Variants in CNTNAP2 observed in about 807,000 individuals in gnomAD.
The protein encoded by CNTNAP2 is contactin associated protein 2, also known as contactin-associated protein-like 2.
A neutral mutation model predicts 155.2 loss-of-function variants in CNTNAP2; 98 were observed. The observed-to-expected ratio is 0.63, with a 90% confidence interval of 0.54 to 0.75. The LOEUF is 0.75. Among genes scored for constraint, CNTNAP2 ranks in the 30% least tolerant of loss-of-function variants. The pLI is 0.00. For missense variants in CNTNAP2, 1,727 were observed against 1,688.1 expected (o/e 1.02, Z -0.40); for synonymous variants, 651 against 631.2 (o/e 1.03, Z -0.47).
chr7:146,591,414 T>TGCAGTAGG (rs3077298), intron 1 of CNTNAP2, among the ~76,000 whole-genome samples: 1 of 151,736 alleles, frequency 6.6e-6, no homozygotes, highest in African/African-American at 2.4e-5. Flanking sequence ...TGTGGAATAA[T>TGCAGTAGG]AATTGAGAAA....
At chr7:147,726,792 C>A (rs1056612974) in intron 13 of CNTNAP2, among the ~76,000 whole-genome samples, 1 of 151,910 alleles carries the variant, frequency 6.6e-6, no homozygotes, top group Admixed American at 6.6e-5. Flanking sequence ...TTAGAAATAA[C>A]TTCAACAGTT....
At chr7:148,369,010 T>C (rs1612680) in intron 21 of CNTNAP2, among the ~76,000 whole-genome samples, 47,883 of 151,872 alleles carry the variant, frequency 0.32, 8,152 homozygotes, top group Non-Finnish European at 0.39. Context: ...CCTTTTCTGA[T>C]TATAGAACAA....
intron 1 of CNTNAP2, among the ~76,000 whole-genome samples, chr7:146,250,453 A>T (rs879433291): frequency 3.7e-4 from 56 of 152,182 alleles, no homozygotes; most frequent in South Asian, 6.2e-4. Context: ...AGAGCAAGGC[A>T]GACTTGTTAC....
chr7:147,923,436 G>C (rs1455244534), intron 14 of CNTNAP2, among the ~76,000 whole-genome samples: 1 of 152,106 alleles, frequency 6.6e-6, no homozygotes, highest in African/African-American at 2.4e-5. Flanking sequence ...AGCATGCCCA[G>C]GGTTGCCTGC....
intron 8 of CNTNAP2, among the ~76,000 whole-genome samples, chr7:147,291,690 GTTTAAC>G (rs1281603775): frequency 6.6e-6 from 1 of 152,056 alleles, no homozygotes; most frequent in Non-Finnish European, 1.5e-5. Flanking sequence ...ATTAATATAT[GTTTAAC>G]TTTATTAAAA....
intron 1 of CNTNAP2, among the ~76,000 whole-genome samples, chr7:146,745,294 A>G (rs1282884341): frequency 6.6e-6 from 1 of 152,170 alleles, no homozygotes; most frequent in African/African-American, 2.4e-5. Context: ...CTAGAGCTTT[A>G]AATTTATTAT....
At chr7:147,784,326 A>G (rs896676388) in intron 13 of CNTNAP2, among the ~76,000 whole-genome samples, 2 of 147,754 alleles carry the variant, frequency 1.4e-5, no homozygotes, top group Admixed American at 6.8e-5. Flanking sequence ...AACCAAACAA[A>G]AAAGAACATT....
At chr7:148,153,588 C>T (rs540827768) in intron 17 of CNTNAP2, among the ~76,000 whole-genome samples, 2 of 152,190 alleles carry the variant, frequency 1.3e-5, no homozygotes, top group South Asian at 2.1e-4. Context: ...CTGGGCTGTC[C>T]GTGGGCCAGA....
chr7:148,331,218 G>T (rs1044897314), intron 21 of CNTNAP2, among the ~76,000 whole-genome samples: 3 of 143,844 alleles, frequency 2.1e-5, no homozygotes, highest in Non-Finnish European at 4.5e-5. Context: ...GGATGGAATG[G>T]ATGGATGGAG....
chr7:147,399,622 AG>A (rs1230624243), intron 10 of CNTNAP2, among the ~76,000 whole-genome samples: 10 of 152,208 alleles, frequency 6.6e-5, no homozygotes, highest in African/African-American at 2.4e-4. Flanking sequence ...CTAAAGAAAA[AG>A]TCAGAAATTC....
intron 1 of CNTNAP2, among the ~76,000 whole-genome samples, chr7:146,357,402 AATCATAT>A (rs1259435628): frequency 6.6e-6 from 1 of 152,254 alleles, no homozygotes; most frequent in Admixed American, 6.5e-5. Context: ...TGTAATCATG[AATCATAT>A]AATCTATCAG....
At chr7:147,780,940 G>T (rs915187145) in intron 13 of CNTNAP2, among the ~76,000 whole-genome samples, 1 of 152,164 alleles carries the variant, frequency 6.6e-6, no homozygotes, top group Non-Finnish European at 1.5e-5. Flanking sequence ...CTACTTCCAA[G>T]TGAGGAGACA....
chr7:147,987,430 C>T (rs1801638289), intron 15 of CNTNAP2, among the ~76,000 whole-genome samples: 1 of 152,132 alleles, frequency 6.6e-6, no homozygotes, highest in Non-Finnish European at 1.5e-5. Context: ...TCTTACCTGT[C>T]CTTTCAAATA....
At chr7:147,111,563 T>C (rs1161677186) in intron 5 of CNTNAP2, among the ~76,000 whole-genome samples, 3 of 152,140 alleles carry the variant, frequency 2.0e-5, no homozygotes, top group African/African-American at 7.2e-5. Flanking sequence ...AAGGAAGGGG[T>C]CCAGTTTCAA....
chr7:146,419,704 A>G (rs1055957901), intron 1 of CNTNAP2, among the ~76,000 whole-genome samples: 6 of 152,176 alleles, frequency 3.9e-5, no homozygotes, highest in Admixed American at 3.9e-4. Context: ...GCAAATCAAA[A>G]TTAAAAACAG....
intron 8 of CNTNAP2, among the ~76,000 whole-genome samples, chr7:147,204,739 G>A (rs887941358): frequency 2.6e-5 from 4 of 151,834 alleles, no homozygotes; most frequent in Non-Finnish European, 5.9e-5. Flanking sequence ...AAATATTAGG[G>A]GAAACTGGGT....
At chr7:147,157,464 C>T (rs76978388) in intron 8 of CNTNAP2, among the ~76,000 whole-genome samples, 2,687 of 152,180 alleles carry the variant, frequency 0.018, 65 homozygotes, top group African/African-American at 0.06. Flanking sequence ...TGTACTTTTT[C>T]AGAACAATTG....
At chr7:146,718,077 C>T (rs1801222676) in intron 1 of CNTNAP2, among the ~76,000 whole-genome samples, 1 of 152,116 alleles carries the variant, frequency 6.6e-6, no homozygotes, top group Non-Finnish European at 1.5e-5. Flanking sequence ...CAATTACCAT[C>T]CTGATTTGAT....
At position 148,020,128 on chromosome 7, in the gene CNTNAP2, T is replaced by C. The variant is rs541919755; in HGVS notation, c.2383+42139T>C. On this transcript the variant is annotated intron_variant, in intron 15 of 23. Coordinates refer to ENST00000361727, the MANE Select transcript of CNTNAP2 (RefSeq NM_014141.6). Reference sequence around the variant, plus strand: ...CTCTGAGTAACCAGAAGCCAAAGGATATTGCTTCACCTTTAGTTGCCATGT... The same window carrying C: ...CTCTGAGTAACCAGAAGCCAAAGGACATTGCTTCACCTTTAGTTGCCATGT... 3.9e-5 allele frequency among the ~76,000 whole-genome samples: 6 copies of C among 152,330 alleles called. No homozygotes were observed. In the South Asian group the frequency reaches 1.2e-3, roughly 32 times the overall value.
Sources: gnomAD v4.1 joint callset for allele counts (sites outside exome capture counted in the v4.1 genomes callset) on GRCh38, gnomAD v4.1.1 for gene constraint, MANE v1.5 for transcripts, NCBI Gene and HGNC (gene_info 2026-07-23, HGNC 2026-07-21) for gene names.